The following MYO1D variants were observed in gnomAD, a reference collection of about 807,000 sequenced individuals.
The protein encoded by MYO1D is myosin ID, also known as unconventional myosin-Id.
A neutral mutation model predicts 122.0 loss-of-function variants in MYO1D; 83 were observed. The ratio of observed to expected loss-of-function variants is 0.68; its 90% CI spans 0.57 to 0.82. The LOEUF is 0.82. Ranked by LOEUF, MYO1D falls within the 40% of genes least tolerant of loss-of-function variation. The pLI, the probability that MYO1D is intolerant of heterozygous loss-of-function variation, is 0.00. For synonymous variants in MYO1D, 464 were observed against 446.9 expected, an observed-to-expected ratio of 1.04 and a Z score of -0.48; for missense variants, 1,157 against 1,269.5, an observed-to-expected ratio of 0.91 and a Z score of 1.35.
At chr17:32,794,281 C>T (rs78882887) in intron 1 of MYO1D, 1 of 152,174 alleles carries the variant, frequency 6.6e-6, no homozygotes, top group African/African-American at 2.4e-5. Flanking sequence ...TCTTCTGGTG[C>T]AATATTTCTT....
At position 32,501,124 on chromosome 17, in the gene MYO1D, G is replaced by C. The variant is rs117265589; in HGVS notation, c.2865-6209C>G. 6.6e-3 allele frequency among the ~76,000 whole-genome samples: 1,007 copies of C among 152,138 alleles called. 8 individuals are homozygous for C. Among genetic ancestry groups the C allele is most frequent in the Non-Finnish European group, 7.9e-3 (539 of 68,004 alleles). On this transcript the variant is annotated intron_variant, in intron 21 of 21. Coordinates refer to ENST00000318217, the MANE Select transcript of MYO1D (RefSeq NM_015194.3). ...CTGGGTATATACCCAAAAGAACTGA[G>C]AACAGACAAAAGCTTATACATGAAT...
At chr17:32,811,928 T>C (rs1002426338) in intron 1 of MYO1D, among the ~76,000 whole-genome samples, 6 of 152,268 alleles carry the variant, frequency 3.9e-5, no homozygotes, top group Non-Finnish European at 5.9e-5. Context: ...GCTGAGGAAA[T>C]GGAAGGCACC....
chr17:32,796,243 G>C lies in MYO1D; in HGVS notation c.96-15459C>G, dbSNP rs539275284. ...GGCATACCTAGGGAAGTAGTTAGCTGCATTTTACCTTAACTGGGGAGTTAG... is the reference window on the plus strand; with the variant it reads ...GGCATACCTAGGGAAGTAGTTAGCTCCATTTTACCTTAACTGGGGAGTTAG... On this transcript the variant is annotated intron_variant, in intron 1 of 21. Transcript: ENST00000318217. Among the ~76,000 whole-genome samples, 5 of 152,224 alleles carry C rather than the reference G, an allele frequency of 3.3e-5. No individual in the cohort carries two copies. The East Asian group carries it at 9.6e-4, about 29-fold the overall frequency.
chr17:32,797,399 T>C (rs913357800), intron 1 of MYO1D, among the ~76,000 whole-genome samples: 2 of 152,248 alleles, frequency 1.3e-5, no homozygotes, highest in Non-Finnish European at 2.9e-5. Context: ...AGGCAGCTTT[T>C]GGGCACAGGC....
chr17:32,590,655 T>A (rs1259416057), intron 21 of MYO1D, among the ~76,000 whole-genome samples: 1 of 152,240 alleles, frequency 6.6e-6, no homozygotes, highest in Non-Finnish European at 1.5e-5. Context: ...TCACTGAGTA[T>A]ATTATGCTTA....
intron 1 of MYO1D, among the ~76,000 whole-genome samples, chr17:32,805,120 C>T (rs2090499477): frequency 6.6e-6 from 1 of 152,092 alleles, no homozygotes; most frequent in African/African-American, 2.4e-5. Context: ...GCTTGCTTGC[C>T]CCTTCTGTCA....
At chr17:32,844,406 T>C (rs1476913686) in intron 1 of MYO1D, among the ~76,000 whole-genome samples, 1 of 147,178 alleles carries the variant, frequency 6.8e-6, no homozygotes, top group Non-Finnish European at 1.5e-5. Flanking sequence ...ATAATATGTA[T>C]ATATGTGTAT....
intron 1 of MYO1D, among the ~76,000 whole-genome samples, chr17:32,822,493 C>T (rs1211934830): frequency 6.9e-6 from 1 of 144,780 alleles, no homozygotes. Flanking sequence ...CGCGCGTCCC[C>T]GGTCGGCGCG....
rs60912187 is a variant in MYO1D, at chr17:32,673,090, CTTTTTTTTTTTTTTTTTTTTTTTT to C, written c.2122-13776_2122-13753del. ...TGTAAGGAATTACATAAACATGCTA[CTTTTTTTTTTTTTTTTTTTTTTTT>C]TTTTTTTTTTTTTGAGACAGAGACT... is the stretch of plus-strand genomic sequence containing the variant. On this transcript the variant is annotated intron_variant, in intron 16 of 21. Coordinates refer to ENST00000318217, the MANE Select transcript of MYO1D (RefSeq NM_015194.3). Among the ~76,000 whole-genome samples, 26 of 28,654 alleles carry C rather than the reference CTTTTTTTTTTTTTTTTTTTTTTTT, an allele frequency of 9.1e-4. 1 individual carries two copies. The highest frequency in any genetic ancestry group is 2.0e-3 in the African/African-American group (23 of 11,516). The allele number at this position is 28,654 out of a possible 152,430, so 18.8% of individuals were successfully genotyped here.
chr17:32,749,185 C>T lies in MYO1D; in HGVS notation c.1468-179G>A, dbSNP rs377687493. ...ACTAAACTTTCACTAGAAATCCACA[C>T]AGCTAGACTACATTTCCTGACCACT... is the stretch of plus-strand genomic sequence containing the variant. On this transcript the variant is annotated intron_variant, in intron 11 of 21. Coordinates refer to ENST00000318217, the MANE Select transcript of MYO1D (RefSeq NM_015194.3). Among the ~76,000 whole-genome samples the T allele has an allele frequency of 2.6e-5, 4 of 152,336 alleles. No individual in the cohort carries two copies. The South Asian group carries it at 8.3e-4, about 32-fold the overall frequency.
In MYO1D at chr17:32,494,867, G is replaced by A. The variant is rs770929604; in HGVS notation, c.2913C>T (p.Ser971=). 1.5e-5 allele frequency: 25 copies of A among 1,613,964 alleles called. No homozygotes were observed. Among genetic ancestry groups the A allele is most frequent in the Admixed American group, 5.0e-5 (3 of 59,996 alleles). Residue 971 remains serine (S), a synonymous_variant, in exon 22 of 22, where the codon AGC becomes AGT. Coordinates refer to ENST00000318217, the MANE Select transcript of MYO1D (RefSeq NM_015194.3). ...QVNVTNPVQC[S]LHGKKCTVSV... is the part of the protein sequence containing the mutation. ...AGACGGTGCACTTCTTCCCGTGCAG[G>A]CTGCACTGTACTGGGTTGGTGACGT...
chr17:32,876,811 G>C lies in MYO1D; in HGVS notation c.62C>G (p.Ser21Cys). 12 of 1,525,878 alleles carry C rather than the reference G, an allele frequency of 7.9e-6. No homozygotes were observed. Among genetic ancestry groups the C allele is most frequent in the Non-Finnish European group, 9.7e-6 (11 of 1,137,346 alleles). The allele number at this position is 1,525,878 out of a possible 1,614,324, so 94.5% of individuals were successfully genotyped here. A position where few individuals can be genotyped will look rare whatever the true frequency, so the allele number is the denominator to read the frequency against. Residue 21 changes from serine to cysteine, a missense_variant, in exon 1 of 22, where the codon TCC becomes TGC. Physicochemically the swap from Ser to Cys is moderately radical, Grantham distance 112. Coordinates refer to ENST00000318217, the MANE Select transcript of MYO1D (RefSeq NM_015194.3). ...GAGGTTGGCCATGAACTCGGGCATG[G>C]AGACGGTGTCCATCAGCACGAAGTC... ...KADFVLMDTV[S>C]MPEFMANLRL...
intron 19 of MYO1D, among the ~76,000 whole-genome samples, chr17:32,649,628 G>C (rs1466122056): frequency 7.3e-6 from 1 of 137,556 alleles, no homozygotes; most frequent in African/African-American, 2.8e-5. Context: ...CTGGAGTGCA[G>C]TAGTGCGATC....
Position 32,530,809 on chromosome 17 carries a change from A to AT in MYO1D, c.2865-35895dup, listed in dbSNP as rs991188382. 3.9e-3 allele frequency among the ~76,000 whole-genome samples: 578 copies of AT among 147,842 alleles called. 2 individuals carry two copies. The highest frequency in any genetic ancestry group is 0.011 in the Middle Eastern group (3 of 284). ...GAGTGAGACCCTGTTGCTAAAAATA[A>AT]TTTTTTTTTTTTAATAAAAGAGTAT... On this transcript the variant is annotated intron_variant, in intron 21 of 21. Transcript: ENST00000318217.
At chr17:32,701,304 C>CAG (rs2089245536) in intron 16 of MYO1D, among the ~76,000 whole-genome samples, 1 of 152,144 alleles carries the variant, frequency 6.6e-6, no homozygotes, top group African/African-American at 2.4e-5. Flanking sequence ...TACCCCCTTC[C>CAG]AGATGGCTTC....
At chr17:32,585,896 A>T (rs2087383459) in intron 21 of MYO1D, among the ~76,000 whole-genome samples, 1 of 152,196 alleles carries the variant, frequency 6.6e-6, no homozygotes, top group Non-Finnish European at 1.5e-5. Context: ...AAAAATAAAA[A>T]ATATTAAGTG....
chr17:32,504,141 G>A (rs900062839), intron 21 of MYO1D, among the ~76,000 whole-genome samples: 8 of 152,048 alleles, frequency 5.3e-5, no homozygotes, highest in East Asian at 1.9e-4. Context: ...GGGTGTTGTC[G>A]GCAGCCAGCA....
chr17:32,743,864 C>T (rs890523151), intron 13 of MYO1D, among the ~76,000 whole-genome samples: 3 of 151,638 alleles, frequency 2.0e-5, no homozygotes, highest in Non-Finnish European at 2.9e-5. Flanking sequence ...GTGATCTGCC[C>T]GCCTCAGGCT....
At chr17:32,631,168 T>C (rs2088000211) in intron 20 of MYO1D, among the ~76,000 whole-genome samples, 1 of 152,146 alleles carries the variant, frequency 6.6e-6, no homozygotes, top group African/African-American at 2.4e-5. Flanking sequence ...AAAGCTATTT[T>C]AAAAAGTCAA....
Sources: gnomAD v4.1 joint callset for allele counts (sites outside exome capture counted in the v4.1 genomes callset) on GRCh38, gnomAD v4.1.1 for gene constraint, MANE v1.5 for transcripts, NCBI Gene and HGNC (gene_info 2026-07-23, HGNC 2026-07-21) for gene names.